The following FA2H variants were observed in gnomAD, a reference collection of about 807,000 sequenced individuals.
FA2H encodes the protein fatty acid alpha-hydroxylase.
FA2H carries 22 observed loss-of-function variants against 44.9 expected under a neutral mutation model. That is an observed-to-expected ratio of 0.49 (90% CI 0.35 to 0.70). The LOEUF is 0.70. Ranked by LOEUF, FA2H falls within the 30% of genes least tolerant of loss-of-function variation. The pLI, the probability that FA2H is intolerant of heterozygous loss-of-function variation, is 0.01. For synonymous variants in FA2H, 243 were observed against 213.2 expected (o/e 1.14, Z -1.22); for missense variants, 501 against 504.9 (o/e 0.99, Z 0.07).
chr16:74,726,038 T>C, intron 4 of FA2H, 187 bp downstream of exon 4: 1 of 587,836 alleles, frequency 1.7e-6, no homozygotes, highest in Non-Finnish European at 3.1e-6. Context: ...TTTGTATCCA[T>C]TTGGGGGGTA....
chr16:74,742,710 C>T (rs1962338531), intron 1 of FA2H, among the ~76,000 whole-genome samples: 1 of 151,990 alleles, frequency 6.6e-6, no homozygotes, highest in African/African-American at 2.4e-5. Context: ...TGGTAGTGTG[C>T]GCTTGCAGTC....
chr16:74,741,261 C>G (rs1394580459), intron 1 of FA2H: 1 of 152,228 alleles, frequency 6.6e-6, no homozygotes, highest in Non-Finnish European at 1.5e-5. Flanking sequence ...GAGCTGGAAG[C>G]TGGGCATTGG....
intron 1 of FA2H, among the ~76,000 whole-genome samples, chr16:74,761,187 C>G (rs1742223494): frequency 6.6e-6 from 1 of 152,166 alleles, no homozygotes; most frequent in African/African-American, 2.4e-5. Context: ...CGCGGTGGTT[C>G]ATGCCTGTAA....
chr16:74,766,096 C>T (rs1962804109), intron 1 of FA2H, among the ~76,000 whole-genome samples: 1 of 152,080 alleles, frequency 6.6e-6, no homozygotes, highest in South Asian at 2.1e-4. Flanking sequence ...GTCAGGAGTT[C>T]AAGATCAGCC....
In FA2H at chr16:74,764,075, T is replaced by C. The variant is rs566184179; in HGVS notation, c.270+10411A>G. On this transcript the variant is annotated intron_variant, in intron 1 of 6. Coordinates refer to ENST00000219368, the MANE Select transcript of FA2H (RefSeq NM_024306.5). ...CAGTTATAAGCTTTATGAGTGTTGC[T>C]AGCATCAAGTTTGTTGTTCTCGAAT... Among the ~76,000 whole-genome samples, 13 of 152,338 alleles carry C rather than the reference T, an allele frequency of 8.5e-5. No individual in the cohort carries two copies. In the South Asian group the frequency reaches 2.5e-3, roughly 29 times the overall value.
chr16:74,765,200 A>G (rs907172626), intron 1 of FA2H, among the ~76,000 whole-genome samples: 6 of 149,566 alleles, frequency 4.0e-5, no homozygotes, highest in Non-Finnish European at 7.4e-5. Flanking sequence ...CTTGTCCCCC[A>G]GGCTGGAGTG....
At chr16:74,751,701 C>T (rs1276903126) in intron 1 of FA2H, among the ~76,000 whole-genome samples, 1 of 152,084 alleles carries the variant, frequency 6.6e-6, no homozygotes, top group Non-Finnish European at 1.5e-5. Flanking sequence ...TCGTAGACAG[C>T]ACCATCAGAT....
intron 4 of FA2H, 189 bp downstream of exon 4, chr16:74,726,036 C>A: frequency 1.7e-6 from 1 of 591,938 alleles, no homozygotes; most frequent in East Asian, 3.0e-5. Context: ...GTTTTGTATC[C>A]ATTTGGGGGG....
intron 2 of FA2H, among the ~76,000 whole-genome samples, chr16:74,738,297 G>T (rs1007683258): frequency 6.6e-6 from 1 of 152,172 alleles, no homozygotes; most frequent in Admixed American, 6.5e-5. Flanking sequence ...GCAGTCCATG[G>T]GGGAGGAGGG....
chr16:74,730,982 T>A (rs1255653917), intron 2 of FA2H, among the ~76,000 whole-genome samples: 1 of 152,164 alleles, frequency 6.6e-6, no homozygotes, highest in Non-Finnish European at 1.5e-5. Flanking sequence ...TCTCCCGAAG[T>A]CCGCTTGGGT....
At chr16:74,731,031 C>T (rs921130416) in intron 2 of FA2H, among the ~76,000 whole-genome samples, 8 of 152,116 alleles carry the variant, frequency 5.3e-5, no homozygotes, top group East Asian at 1.9e-4. Flanking sequence ...GCTTGCTGTG[C>T]GCAGGATCCC....
intron 1 of FA2H, among the ~76,000 whole-genome samples, chr16:74,768,843 G>A (rs976329320): frequency 1.4e-4 from 21 of 151,990 alleles, no homozygotes; most frequent in African/African-American, 4.8e-4. Context: ...CAAGCCCTGT[G>A]GAATTAAAAC....
Position 74,716,240 on chromosome 16 carries a change from G to A in FA2H, c.1039+107C>T. 4.6e-6 allele frequency: 6 copies of A among 1,308,472 alleles called. 1 individual carries two copies. The highest frequency in any genetic ancestry group is 2.7e-5 in the South Asian group (2 of 75,204). The allele number at this position is 1,308,472 out of a possible 1,614,324, so 81.1% of individuals were successfully genotyped here. The stretch of plus-strand genomic sequence containing the variant: ...AGAGTAGAGGGAACCCTCTGTATAT[G>A]CCCCGTACATGGAACAGTGCCTTGC... On this transcript the variant is annotated intron_variant, in intron 6 of 6. Transcript: ENST00000219368.
At chr16:74,740,794 T>C (rs1312826021) in intron 1 of FA2H, among the ~76,000 whole-genome samples, 3 of 152,100 alleles carry the variant, frequency 2.0e-5, no homozygotes, top group African/African-American at 7.2e-5. Context: ...CCGGTTCTCC[T>C]TCAGGTCCCT....
At chr16:74,734,367 G>A (rs1962139270) in intron 2 of FA2H, among the ~76,000 whole-genome samples, 1 of 152,262 alleles carries the variant, frequency 6.6e-6, no homozygotes, top group South Asian at 2.1e-4. Flanking sequence ...GCCCGAAACT[G>A]CTCTGGAATG....
intron 4 of FA2H, among the ~76,000 whole-genome samples, chr16:74,720,084 T>TA (rs1452633908): frequency 6.6e-6 from 1 of 150,498 alleles, no homozygotes; most frequent in Non-Finnish European, 1.5e-5. Context: ...CCTGCAGTCC[T>TA]AGCGGCTTTC....
At chr16:74,755,656 C>G (rs778455557) in intron 1 of FA2H, among the ~76,000 whole-genome samples, 1 of 152,162 alleles carries the variant, frequency 6.6e-6, no homozygotes, top group Non-Finnish European at 1.5e-5. Context: ...TTCAAACATA[C>G]AGCAAACTGG....
intron 1 of FA2H, among the ~76,000 whole-genome samples, chr16:74,758,402 G>A (rs750088288): frequency 8.6e-5 from 13 of 152,016 alleles, no homozygotes; most frequent in Non-Finnish European, 1.6e-4. Flanking sequence ...TTACAGTCAT[G>A]AGCCACCGTG....
chr16:74,773,101 C>T (rs1405048390), intron 1 of FA2H, among the ~76,000 whole-genome samples: 1 of 152,114 alleles, frequency 6.6e-6, no homozygotes, highest in Admixed American at 6.5e-5. Context: ...GTCTTGAACT[C>T]CTGGGCTCGA....
Sources: gnomAD v4.1 joint callset for allele counts (sites outside exome capture counted in the v4.1 genomes callset) on GRCh38, gnomAD v4.1.1 for gene constraint, MANE v1.5 for transcripts, NCBI Gene and HGNC (gene_info 2026-07-23, HGNC 2026-07-21) for gene names.